Variants in INSC observed in about 807,000 individuals in gnomAD.
The protein encoded by INSC is protein inscuteable homolog.
A neutral mutation model predicts 58.6 loss-of-function variants in INSC; 67 were observed. The ratio of observed to expected loss-of-function variants is 1.14; its 90% CI spans 0.94 to 1.40. The LOEUF is 1.40. INSC is among the 40% of genes most tolerant of loss of function. The probability of loss-of-function intolerance (pLI) is 0.00; values close to 1 mark genes in which losing one functional copy is unlikely to be tolerated. For missense variants in INSC, 714 were observed against 692.0 expected (o/e 1.03, Z -0.36); for synonymous variants, 262 against 276.1 (o/e 0.95, Z 0.51).
intron 9 of INSC, among the ~76,000 whole-genome samples, chr11:15,229,540 C>G (rs940168650): frequency 1.3e-5 from 2 of 152,112 alleles, no homozygotes; most frequent in African/African-American, 4.8e-5. Flanking sequence ...ATTTCCTCAT[C>G]TGTGTAATGG....
chr11:15,188,172 G>A (rs1850041281), intron 5 of INSC: 1 of 985,404 alleles, frequency 1.0e-6, no homozygotes, highest in Non-Finnish European at 1.2e-6. Context: ...ATCCAGAGGG[G>A]CATTTGCAAG....
At chr11:15,227,677 CT>C (rs1851694483) in intron 9 of INSC, among the ~76,000 whole-genome samples, 1 of 152,174 alleles carries the variant, frequency 6.6e-6, no homozygotes, top group Non-Finnish European at 1.5e-5. Context: ...GCTTGATTGA[CT>C]CCTGAGGGGG....
At chr11:15,161,337 A>G (rs764819624) in intron 2 of INSC, among the ~76,000 whole-genome samples, 1 of 152,238 alleles carries the variant, frequency 6.6e-6, no homozygotes, top group African/African-American at 2.4e-5. Context: ...AAAATGATAT[A>G]GAACACGTCA....
At chr11:15,141,698 A>G (rs1848376354) in intron 1 of INSC, among the ~76,000 whole-genome samples, 1 of 152,048 alleles carries the variant, frequency 6.6e-6, no homozygotes, top group African/African-American at 2.4e-5. Flanking sequence ...CAATAGCTCC[A>G]ATGACTATTG....
At chr11:15,242,410 C>T (rs575976361) in intron 12 of INSC, among the ~76,000 whole-genome samples, 4 of 152,268 alleles carry the variant, frequency 2.6e-5, no homozygotes, top group South Asian at 4.2e-4. Flanking sequence ...CTCCCTAATC[C>T]ATTCTCCGTG....
At chr11:15,180,701 G>GT (rs1471751073) in intron 5 of INSC, among the ~76,000 whole-genome samples, 13 of 107,278 alleles carry the variant, frequency 1.2e-4, no homozygotes, top group Admixed American at 6.9e-4. Context: ...GGGCGGGGGG[G>GT]GGTGGTGGCC....
At chr11:15,221,166 C>T (rs563169187) in intron 7 of INSC, among the ~76,000 whole-genome samples, 4 of 151,730 alleles carry the variant, frequency 2.6e-5, no homozygotes, top group African/African-American at 9.7e-5. Context: ...CTTTCTATGA[C>T]GATTTGCTGT....
chr11:15,200,973 G>T, intron 7 of INSC, 24 bp downstream of exon 7: 1 of 1,577,250 alleles, frequency 6.3e-7, no homozygotes, highest in Non-Finnish European at 8.6e-7. Flanking sequence ...GCTGGGTGGT[G>T]CCTGAGGTCC....
At chr11:15,260,321 G>A in the INSC span, among the ~76,000 whole-genome samples, 3 of 152,122 alleles carry the variant, frequency 2.0e-5, 1 homozygote, top group African/African-American at 4.8e-5. Context: ...ACAGTAGAAT[G>A]CAGTTGAGAA....
Position 15,245,958 on chromosome 11 carries a change from A to T in INSC, c.1517A>T (p.Asp506Val), listed in dbSNP as rs761589026. 1 of 1,614,118 alleles carries T rather than the reference A, an allele frequency of 6.2e-7. No homozygotes were observed. Among genetic ancestry groups the T allele is most frequent in the Non-Finnish European group, 8.5e-7 (1 of 1,180,002 alleles). ...LAGVCPEGLQ[D>V]SDFQQLVQPR... The stretch of plus-strand genomic sequence containing the variant: ...GGGGTCTGCCCTGAAGGCCTCCAGG[A>T]CTCTGACTTTCAGCAGTTGGTCCAG... Residue 506 changes from aspartate to valine, a missense_variant, in exon 13 of 13, where the codon GAC (aspartate) becomes GTC (valine). Coordinates refer to ENST00000379556, the MANE Select transcript of INSC (RefSeq NM_001042536.3).
chr11:15,211,300 T>C (rs551953549), intron 7 of INSC, among the ~76,000 whole-genome samples: 1 of 152,336 alleles, frequency 6.6e-6, no homozygotes, highest in African/African-American at 2.4e-5. Flanking sequence ...TGAGTAATGG[T>C]TTTGAACACT....
At chr11:15,136,719 A>G (rs1848254374) in intron 1 of INSC, among the ~76,000 whole-genome samples, 2 of 152,140 alleles carry the variant, frequency 1.3e-5, no homozygotes, top group Admixed American at 1.3e-4. Flanking sequence ...ATCTAATTCT[A>G]GTTTTCTTGC....
intron 5 of INSC, among the ~76,000 whole-genome samples, chr11:15,182,163 C>T (rs376306671): frequency 4.8e-4 from 73 of 152,292 alleles, no homozygotes; most frequent in African/African-American, 1.7e-3. Context: ...TATCACAGCA[C>T]TACACATATA....
rs115058562 is a variant in INSC, at chr11:15,151,450, C to T, written c.56+2220C>T. On this transcript the variant is annotated intron_variant, in intron 2 of 12. Coordinates refer to ENST00000379556, the MANE Select transcript of INSC (RefSeq NM_001042536.3). ...CCAGGTAGTGAAAACGATACAATCT[C>T]TGGTCTGAGTACCTCCCTGGGGGGT... Among the ~76,000 whole-genome samples the T allele has an allele frequency of 8.3e-3, 1,260 of 152,286 alleles. 15 individuals carry two copies. Among genetic ancestry groups the T allele is most frequent in the African/African-American group, 0.029 (1,211 of 41,558 alleles).
chr11:15,238,617 G>A (rs1852221068), intron 10 of INSC, among the ~76,000 whole-genome samples: 2 of 152,130 alleles, frequency 1.3e-5, no homozygotes, highest in African/African-American at 4.8e-5. Context: ...AGGTTTTAGG[G>A]CATTATGCAT....
At chr11:15,266,353 G>A in the INSC span, among the ~76,000 whole-genome samples, 1 of 151,686 alleles carries the variant, frequency 6.6e-6, no homozygotes, top group Non-Finnish European at 1.5e-5. Flanking sequence ...GAACTGCATT[G>A]GCCTTCATAG....
intron 9 of INSC, among the ~76,000 whole-genome samples, chr11:15,231,782 C>G (rs1249848660): frequency 6.6e-6 from 1 of 152,206 alleles, no homozygotes; most frequent in Non-Finnish European, 1.5e-5. Flanking sequence ...CCTGTCTCTA[C>G]TTGGGTGTCC....
intron 12 of INSC, among the ~76,000 whole-genome samples, chr11:15,241,412 G>T (rs936201663): frequency 7.2e-5 from 11 of 152,334 alleles, no homozygotes; most frequent in South Asian, 2.1e-4. Flanking sequence ...GATGGGCGTT[G>T]TGCCGTTGTA....
intron 9 of INSC, among the ~76,000 whole-genome samples, chr11:15,230,742 C>A (rs1191039818): frequency 6.6e-6 from 1 of 152,202 alleles, no homozygotes; most frequent in African/African-American, 2.4e-5. Context: ...GGTTTACAGC[C>A]CAACATTCAT....
Sources: gnomAD v4.1 joint callset for allele counts (sites outside exome capture counted in the v4.1 genomes callset) on GRCh38, gnomAD v4.1.1 for gene constraint, MANE v1.5 for transcripts, NCBI Gene and HGNC (gene_info 2026-07-23, HGNC 2026-07-21) for gene names.